Variants in PHEX observed in about 807,000 individuals in gnomAD.
PHEX encodes the protein phosphate-regulating neutral endopeptidase PHEX.
PHEX carries 16 observed loss-of-function variants against 68.0 expected under a neutral mutation model. The observed-to-expected ratio is 0.24, with a 90% CI of 0.16 to 0.36. PHEX has a LOEUF of 0.36. Among genes scored for constraint, PHEX ranks in the 10% least tolerant of loss-of-function variants. The pLI is 1.00. For synonymous variants in PHEX, 208 were observed against 205.1 expected (o/e 1.01, Z -0.12); for missense variants, 480 against 575.5 (o/e 0.83, Z 1.70).
chrX:22,085,964 CT>C (rs1929611942), intron 5 of PHEX, among the ~76,000 whole-genome samples: 2 of 111,768 alleles, frequency 1.8e-5, no homozygotes, highest in African/African-American at 6.5e-5. Flanking sequence ...GCTTTATATA[CT>C]TAGGTGCTCC....
intron 3 of PHEX, among the ~76,000 whole-genome samples, chrX:22,054,528 G>A (rs1410908541): frequency 9.0e-6 from 1 of 111,707 alleles, no homozygotes; most frequent in Admixed American, 9.6e-5. Context: ...ATTGTGGTGG[G>A]CTTTTTATTA....
intron 5 of PHEX, among the ~76,000 whole-genome samples, chrX:22,081,844 A>G: frequency 8.9e-6 from 1 of 112,159 alleles, no homozygotes; most frequent in South Asian, 3.7e-4. Context: ...GATTTATTCT[A>G]TGTCAGGAGA....
chrX:22,047,022 T>C (rs1451589579), intron 2 of PHEX, 28 bp from the exon 3 acceptor site: 2 of 1,167,076 alleles, frequency 1.7e-6, no homozygotes, highest in Non-Finnish European at 1.2e-6. Context: ...GTGCTTGTCA[T>C]TAATCCTATG....
intron 15 of PHEX, among the ~76,000 whole-genome samples, chrX:22,194,801 C>A (rs1479999167): frequency 8.9e-6 from 1 of 111,978 alleles, no homozygotes; most frequent in Non-Finnish European, 1.9e-5. Flanking sequence ...CTTCCCTTGT[C>A]AAGCTGGGTA....
intron 14 of PHEX, among the ~76,000 whole-genome samples, chrX:22,183,384 C>T (rs1359338609): frequency 1.8e-5 from 2 of 111,419 alleles, no homozygotes; most frequent in Non-Finnish European, 3.8e-5. Context: ...TGAATCTCTC[C>T]CCTACCTAAC....
At chrX:22,087,298 G>A (rs933719589) in intron 5 of PHEX, among the ~76,000 whole-genome samples, 1 of 111,966 alleles carries the variant, frequency 8.9e-6, no homozygotes, top group Non-Finnish European at 1.9e-5. Flanking sequence ...TGTGTTTCAT[G>A]ATCGTGGCTT....
chrX:22,215,899 G>T (rs1386380714), intron 16 of PHEX, among the ~76,000 whole-genome samples: 1 of 111,584 alleles, frequency 9.0e-6, no homozygotes, highest in Non-Finnish European at 1.9e-5. Context: ...GCATATTTTT[G>T]AAGGAAAGTT....
rs746890776 is a variant in PHEX at position 22,111,549 on chromosome X, G to A, written c.1162G>A (p.Glu388Lys). Residue 388 changes from glutamate to lysine, a missense_variant, in exon 10 of 22, where the codon GAA becomes AAA. Coordinates refer to ENST00000379374, the MANE Select transcript of PHEX (RefSeq NM_000444.6). ...LSRRFQYRWL[E>K]FSRVIQGTTT... is the part of the protein sequence containing the mutation. ...CAGGCGCTTTCAGTATAGATGGCTG[G>A]AATTCTCAAGGGTAAGTTTAAGAAG... 1.0e-5 allele frequency: 12 copies of A among 1,189,908 alleles called. No individual in the cohort carries two copies. The highest frequency in any genetic ancestry group is 2.3e-4 in the Middle Eastern group (1 of 4,291).
chrX:22,115,165 T>TA (rs1328833103), intron 11 of PHEX, among the ~76,000 whole-genome samples: 6 of 110,563 alleles, frequency 5.4e-5, no homozygotes, highest in East Asian at 5.6e-4. Context: ...CCATCTCTAC[T>TA]AAAAAAAATA....
At chrX:22,129,589 A>G (rs1166751299) in intron 11 of PHEX, among the ~76,000 whole-genome samples, 1 of 111,157 alleles carries the variant, frequency 9.0e-6, no homozygotes, top group Non-Finnish European at 1.9e-5. Context: ...CTCTCCTCTC[A>G]TAAGTCTGTC....
chrX:22,244,833 C>T (rs1936344707), intron 20 of PHEX, among the ~76,000 whole-genome samples: 2 of 111,596 alleles, frequency 1.8e-5, no homozygotes, highest in African/African-American at 6.5e-5. Context: ...CCAGAACAAG[C>T]CATATCGCCA....
intron 20 of PHEX, among the ~76,000 whole-genome samples, chrX:22,237,530 A>G (rs1936023771): frequency 8.9e-6 from 1 of 111,912 alleles, no homozygotes; most frequent in African/African-American, 3.3e-5. Context: ...TCTATAAATA[A>G]TCTAACTAGC....
In PHEX at chrX:22,077,471, T is replaced by C. The variant is rs777749067; in HGVS notation, c.437-5T>C. ...AACTTTCTCTTCATATCTGCTCCCT[T>C]TCAGAAGCGATTGAAAAAGCAGATG... On this transcript the variant is annotated splice_region_variant and splice_polypyrimidine_tract_variant and intron_variant, in intron 4 of 21. Transcript: ENST00000379374. 4.2e-6 allele frequency: 5 copies of C among 1,203,492 alleles called. No homozygotes were observed. The Admixed American group carries it at 1.1e-4, about 26-fold the overall frequency.
intron 16 of PHEX, among the ~76,000 whole-genome samples, chrX:22,217,742 T>C (rs184721714): frequency 8.9e-6 from 1 of 111,957 alleles, no homozygotes; most frequent in Non-Finnish European, 1.9e-5. Flanking sequence ...AGTTAAATCA[T>C]TGTTACTTTC....
chrX:22,191,082 C>A (rs758318507), intron 15 of PHEX, among the ~76,000 whole-genome samples: 4 of 111,863 alleles, frequency 3.6e-5, no homozygotes, highest in Non-Finnish European at 7.5e-5. Context: ...TTCAGTGGTA[C>A]GATCCTGGCT....
chrX:22,096,258 ATTGCTGCTGTTCT>A (rs1930130308), intron 7 of PHEX, among the ~76,000 whole-genome samples: 1 of 112,752 alleles, frequency 8.9e-6, no homozygotes, highest in Non-Finnish European at 1.9e-5. Flanking sequence ...GAAGATAATC[ATTGCTGCTGTTCT>A]TAGGTTAAAC....
Position 22,077,502 on chromosome X carries a change from C to A in PHEX, c.463C>A (p.Pro155Thr). The A allele has an allele frequency of 8.3e-7, 1 of 1,211,284 alleles. No individual in the cohort carries two copies. The highest frequency in any genetic ancestry group is 1.1e-6 in the Non-Finnish European group (1 of 894,821). Residue 155 changes from proline (P) to threonine (T), a missense_variant, in exon 5 of 22, where the codon CCA (proline) becomes ACA (threonine). Coordinates refer to ENST00000379374, the MANE Select transcript of PHEX (RefSeq NM_000444.6). ...EKAIEKADAK[P>T]LLHILRHSPF... ...AGCGATTGAAAAAGCAGATGCCAAGCCACTGCTACACATCCTACGGCATTC... is the reference window on the plus strand; with the variant it reads ...AGCGATTGAAAAAGCAGATGCCAAGACACTGCTACACATCCTACGGCATTC...
intron 12 of PHEX, among the ~76,000 whole-genome samples, chrX:22,143,198 G>T (rs1238094145): frequency 8.9e-6 from 1 of 111,959 alleles, no homozygotes; most frequent in Non-Finnish European, 1.9e-5. Flanking sequence ...TTAGATAGAA[G>T]AAATAAGCTC....
At chrX:22,233,622 G>A (rs894382937) in intron 20 of PHEX, among the ~76,000 whole-genome samples, 1 of 110,684 alleles carries the variant, frequency 9.0e-6, no homozygotes, top group African/African-American at 3.3e-5. Context: ...ACTTGTGTAT[G>A]CTTCACAAAG....
Sources: gnomAD v4.1 joint callset for allele counts (sites outside exome capture counted in the v4.1 genomes callset) on GRCh38, gnomAD v4.1.1 for gene constraint, MANE v1.5 for transcripts, NCBI Gene and HGNC (gene_info 2026-07-23, HGNC 2026-07-21) for gene names.